The following PTPN13 variants were observed in gnomAD, a reference collection of about 807,000 sequenced individuals.
PTPN13 encodes tyrosine-protein phosphatase non-receptor type 13.
Under a neutral mutation model 284.0 loss-of-function variants are expected in PTPN13, and 191 were observed. The observed-to-expected ratio is 0.67, with a 90% CI of 0.60 to 0.76. PTPN13 has a LOEUF of 0.76. PTPN13 is among the 30% of genes least tolerant of loss of function. The probability of loss-of-function intolerance (pLI) is 0.00; values close to 1 mark genes in which losing one functional copy is unlikely to be tolerated. For missense variants in PTPN13, 2,797 were observed against 2,939.9 expected (o/e 0.95, Z 1.12); for synonymous variants, 986 against 1,022.3 (o/e 0.96, Z 0.68).
chr4:86,711,548 A>T (rs946399476), intron 7 of PTPN13, among the ~76,000 whole-genome samples: 1 of 152,012 alleles, frequency 6.6e-6, no homozygotes, highest in African/African-American at 2.4e-5. Flanking sequence ...TATTTCTAAC[A>T]CTGTGATTTT....
chr4:86,617,899 T>A (rs1251722342), intron 1 of PTPN13, among the ~76,000 whole-genome samples: 2 of 151,628 alleles, frequency 1.3e-5, no homozygotes, highest in Non-Finnish European at 1.5e-5. Flanking sequence ...GATGGTAGTT[T>A]CTTTTGCTGT....
intron 24 of PTPN13, among the ~76,000 whole-genome samples, chr4:86,764,052 G>A (rs1231447677): frequency 6.6e-6 from 1 of 151,854 alleles, no homozygotes; most frequent in African/African-American, 2.4e-5. Context: ...TTATAAATAG[G>A]GCTTAGCTGT....
intron 4 of PTPN13, among the ~76,000 whole-genome samples, chr4:86,687,070 G>A (rs188131981): frequency 4.9e-4 from 75 of 152,342 alleles, no homozygotes; most frequent in African/African-American, 1.7e-3. Context: ...AGATAAATGA[G>A]CGTGTACTTT....
intron 20 of PTPN13, among the ~76,000 whole-genome samples, chr4:86,756,757 G>C (rs1475334948): frequency 6.6e-6 from 1 of 152,056 alleles, no homozygotes; most frequent in Non-Finnish European, 1.5e-5. Flanking sequence ...ATTACTATTT[G>C]TTTTGTGACA....
In PTPN13 at chr4:86,814,511, CAGA is replaced by C. The variant is rs750230608; in HGVS notation, c.7425_7427del (p.Glu2476del). 7.4e-6 allele frequency: 12 copies of C among 1,612,702 alleles called. No homozygotes were observed. The highest frequency in any genetic ancestry group is 2.2e-5 in the East Asian group (1 of 44,804). On this transcript the variant is annotated inframe_deletion, in exon 48 of 48. Transcript: ENST00000411767. ...CTTTATGTCCTGACACGTCTTCAAG[CAGA>C]AGAAGAGCAAAAACAGCAGCCTCAG...
At chr4:86,764,136 G>A (rs999312437) in intron 24 of PTPN13, among the ~76,000 whole-genome samples, 1 of 152,050 alleles carries the variant, frequency 6.6e-6, no homozygotes, top group Non-Finnish European at 1.5e-5. Context: ...AGAGGCTTGG[G>A]TTAAAAGCTA....
At chr4:86,796,823 A>AT (rs1323712657) in intron 40 of PTPN13, 51 bp from the exon 41 acceptor site, 61 of 1,223,280 alleles carry the variant, frequency 5.0e-5, no homozygotes, top group South Asian at 1.3e-4. Context: ...ATAGTATGCG[A>AT]TTTTTTTTGT....
intron 7 of PTPN13, among the ~76,000 whole-genome samples, chr4:86,710,829 T>A (rs1224912706): frequency 6.6e-6 from 1 of 152,184 alleles, no homozygotes; most frequent in Middle Eastern, 3.2e-3. Context: ...AATAGTATAC[T>A]CTTAATTATG....
intron 5 of PTPN13, 83 bp downstream of exon 5, chr4:86,689,273 A>T: frequency 8.9e-7 from 1 of 1,123,562 alleles, no homozygotes; most frequent in Non-Finnish European, 1.3e-6. Context: ...GATACTATAT[A>T]GGTAGCATTT....
At chr4:86,747,306 A>G (rs1018148419) in intron 17 of PTPN13, among the ~76,000 whole-genome samples, 7 of 152,242 alleles carry the variant, frequency 4.6e-5, no homozygotes, top group African/African-American at 1.7e-4. Context: ...TAGTTACTTT[A>G]TCTATAGAAT....
intron 1 of PTPN13, 67 bp from the exon 2 acceptor site, chr4:86,635,185 A>G (rs1722874570): frequency 6.6e-7 from 1 of 1,511,994 alleles, no homozygotes; most frequent in African/African-American, 1.4e-5. Flanking sequence ...ACTGATGTAG[A>G]GCTTTTACTA....
intron 1 of PTPN13, among the ~76,000 whole-genome samples, chr4:86,612,010 T>C (rs761877724): frequency 1.6e-4 from 24 of 152,302 alleles, no homozygotes; most frequent in Non-Finnish European, 2.9e-4. Context: ...TATGAAGCAC[T>C]GGGTAGAGCA....
intron 1 of PTPN13, among the ~76,000 whole-genome samples, chr4:86,598,082 C>T (rs1763982320): frequency 6.6e-6 from 1 of 151,762 alleles, no homozygotes; most frequent in Admixed American, 6.6e-5. Context: ...GTATCCAAAT[C>T]CTAGAGACTA....
Position 86,701,371 on chromosome 4 carries a change from C to T in PTPN13, c.765C>T (p.Phe255=). The T allele has an allele frequency of 6.2e-7, 1 of 1,613,052 alleles. No homozygotes were observed. The highest frequency in any genetic ancestry group is 8.5e-7 in the Non-Finnish European group (1 of 1,179,272). ...SIKDTQDENY[F]KDILSDNSGR... ...AAGATACACAAGATGAGAATTATTT[C>T]AAGGACATTTTATCAGATAATTCTG... is the stretch of plus-strand genomic sequence containing the variant. Residue 255 remains phenylalanine, a synonymous_variant, in exon 7 of 48, where the codon TTC becomes TTT. Transcript: ENST00000411767.
chr4:86,598,392 G>A (rs1764012938), intron 1 of PTPN13, among the ~76,000 whole-genome samples: 1 of 152,048 alleles, frequency 6.6e-6, no homozygotes, highest in African/African-American at 2.4e-5. Context: ...CGATCGGCCT[G>A]CCTCAGCCTC....
At chr4:86,768,219 A>C (rs1739557030) in intron 28 of PTPN13, among the ~76,000 whole-genome samples, 1 of 152,222 alleles carries the variant, frequency 6.6e-6, no homozygotes, top group South Asian at 2.1e-4. Context: ...AATGCTTTAA[A>C]TTGTTGTAAA....
intron 1 of PTPN13, among the ~76,000 whole-genome samples, chr4:86,601,508 CTTA>C: frequency 6.6e-6 from 1 of 152,064 alleles, no homozygotes; most frequent in African/African-American, 2.4e-5. Context: ...AATATTAAAA[CTTA>C]ATATTTAATA....
chr4:86,783,000 T>A (rs1242485549), intron 37 of PTPN13, among the ~76,000 whole-genome samples: 2 of 152,214 alleles, frequency 1.3e-5, no homozygotes, highest in Non-Finnish European at 2.9e-5. Context: ...TACAATATGT[T>A]CTGAACTTCA....
intron 39 of PTPN13, 80 bp downstream of exon 39, chr4:86,785,448 A>G: frequency 8.2e-6 from 10 of 1,221,166 alleles, no homozygotes; most frequent in South Asian, 3.2e-5. Context: ...GTAAATATGT[A>G]ATGCATTAGT....
Sources: gnomAD v4.1 joint callset for allele counts (sites outside exome capture counted in the v4.1 genomes callset) on GRCh38, gnomAD v4.1.1 for gene constraint, MANE v1.5 for transcripts, NCBI Gene and HGNC (gene_info 2026-07-23, HGNC 2026-07-21) for gene names.